The following C12orf42 variants were observed in gnomAD, a reference collection of about 807,000 sequenced individuals.
C12orf42 encodes the protein uncharacterized protein C12orf42.
In C12orf42, 25 loss-of-function variants were observed where a neutral mutation model predicts 21.6. The observed-to-expected ratio is 1.16, with a 90% CI of 0.84 to 1.62. The LOEUF is 1.62. C12orf42 is among the 40% of genes most tolerant of loss of function. The pLI is 0.00. For synonymous variants in C12orf42, 174 were observed against 175.0 expected (o/e 0.99, Z 0.05); for missense variants, 483 against 459.3 (o/e 1.05, Z -0.47).
intron 4 of C12orf42, among the ~76,000 whole-genome samples, chr12:103,368,389 C>A (rs1189050898): frequency 6.6e-6 from 1 of 151,770 alleles, no homozygotes; most frequent in African/African-American, 2.4e-5. Context: ...AGTGGCCTAC[C>A]TCCCCTGCCA....
the C12orf42 span, among the ~76,000 whole-genome samples, chr12:103,554,039 A>G: frequency 6.6e-6 from 1 of 152,156 alleles, no homozygotes; most frequent in African/African-American, 2.4e-5. Flanking sequence ...CTATTTTTAT[A>G]TAGGTCATGG....
the C12orf42 span, among the ~76,000 whole-genome samples, chr12:103,209,930 A>G: frequency 1.3e-5 from 2 of 152,186 alleles, no homozygotes; most frequent in African/African-American, 4.8e-5. Flanking sequence ...CCACACACAC[A>G]TAGTTTAATA....
chr12:103,305,886 T>C, intron 5 of C12orf42, 88 bp downstream of exon 5: 2 of 1,444,350 alleles, frequency 1.4e-6, no homozygotes, highest in Non-Finnish European at 1.9e-6. Flanking sequence ...GGCCATGAAG[T>C]CAATATTTTT....
chr12:103,226,338 C>T, the C12orf42 span, among the ~76,000 whole-genome samples: 4 of 152,142 alleles, frequency 2.6e-5, no homozygotes, highest in Admixed American at 1.3e-4. Context: ...GGCCAGATTC[C>T]AATTTTTGGA....
At chr12:103,169,343 C>T in the C12orf42 span, among the ~76,000 whole-genome samples, 4 of 151,878 alleles carry the variant, frequency 2.6e-5, no homozygotes, top group East Asian at 1.9e-4. Flanking sequence ...CACTGGGAAC[C>T]GAGAGACCCA....
At chr12:103,350,110 C>A (rs1450249539) in intron 4 of C12orf42, among the ~76,000 whole-genome samples, 1 of 151,972 alleles carries the variant, frequency 6.6e-6, no homozygotes, top group African/African-American at 2.4e-5. Context: ...AGGAAGTTTC[C>A]AGCCATTATT....
the C12orf42 span, among the ~76,000 whole-genome samples, chr12:103,049,838 C>T: frequency 3.3e-5 from 5 of 152,078 alleles, 1 homozygote; most frequent in South Asian, 8.3e-4. Flanking sequence ...CAGTTCTATG[C>T]TCAGATGTCA....
At chr12:103,477,640 C>A (rs946617164) in intron 2 of C12orf42, among the ~76,000 whole-genome samples, 2 of 152,056 alleles carry the variant, frequency 1.3e-5, no homozygotes, top group Non-Finnish European at 2.9e-5. Flanking sequence ...GAAGACTGAA[C>A]CCTCTGTAAC....
In C12orf42 at chr12:103,371,399, A is replaced by C. The variant is rs553933561; in HGVS notation, c.148-2401T>G. Among the ~76,000 whole-genome samples, 290 of 152,284 alleles carry C rather than the reference A, an allele frequency of 1.9e-3. 1 individual carries two copies. The highest frequency in any genetic ancestry group is 6.8e-3 in the African/African-American group (283 of 41,558). On this transcript the variant is annotated intron_variant, in intron 3 of 5. Coordinates refer to ENST00000548883, the MANE Select transcript of C12orf42 (RefSeq NM_198521.5). ...GAGGCAGCTGGGACTTGAGAGACCC[A>C]ATCCAGTTGTACCAGTCATGGAGCA... is the stretch of plus-strand genomic sequence containing the variant.
At chr12:103,524,095 G>C in the C12orf42 span, among the ~76,000 whole-genome samples, 2 of 152,154 alleles carry the variant, frequency 1.3e-5, no homozygotes, top group Non-Finnish European at 2.9e-5. Context: ...TGGGTTTAAG[G>C]TGTAACAGAA....
chr12:103,160,971 T>C, the C12orf42 span, among the ~76,000 whole-genome samples: 4 of 152,242 alleles, frequency 2.6e-5, no homozygotes, highest in African/African-American at 7.2e-5. Context: ...ATAACCCTTA[T>C]TGAGCTATTT....
chr12:103,220,024 A>G, the C12orf42 span, among the ~76,000 whole-genome samples: 753 of 152,368 alleles, frequency 4.9e-3, 5 homozygotes, highest in African/African-American at 0.017. Context: ...ATGCCCATCA[A>G]TAATAGACTG....
chr12:103,548,022 G>C, the C12orf42 span: 3 of 152,186 alleles, frequency 2.0e-5, no homozygotes. Flanking sequence ...TGTTCAAACA[G>C]TTTATATGTA....
the C12orf42 span, among the ~76,000 whole-genome samples, chr12:103,143,834 C>T: frequency 6.6e-6 from 1 of 152,222 alleles, no homozygotes; most frequent in African/African-American, 2.4e-5. Flanking sequence ...AGTATTAATC[C>T]CAGCTCTGCC....
chr12:103,367,356 A>T (rs2044700328), intron 4 of C12orf42, among the ~76,000 whole-genome samples: 1 of 151,780 alleles, frequency 6.6e-6, no homozygotes, highest in Admixed American at 6.6e-5. Context: ...TAATACTCTG[A>T]TGATGGGTGC....
At chr12:103,548,202 A>G in the C12orf42 span, among the ~76,000 whole-genome samples, 7 of 152,228 alleles carry the variant, frequency 4.6e-5, no homozygotes, top group African/African-American at 1.4e-4. Context: ...CTTTGCTTAG[A>G]TAGCCCTTTG....
chr12:103,268,848 C>T (rs1193342309), exon 7 of C12orf42: 1 of 152,240 alleles, frequency 6.6e-6, no homozygotes, highest in East Asian at 1.9e-4. Flanking sequence ...GTTCTTTTAT[C>T]ATGGATAACT....
chr12:103,275,740 A>AT (rs202030025), intron 5 of C12orf42, among the ~76,000 whole-genome samples: 12,506 of 139,718 alleles, frequency 0.09, 536 homozygotes, highest in East Asian at 0.19. Context: ...ATCAAGTAGG[A>AT]TTTTTTTTTT....
At chr12:103,345,306 A>G (rs1295719229) in intron 4 of C12orf42, among the ~76,000 whole-genome samples, 2 of 152,170 alleles carry the variant, frequency 1.3e-5, no homozygotes, top group Non-Finnish European at 2.9e-5. Flanking sequence ...ATAGGACCTT[A>G]CTCATAGGAT....
Sources: allele counts gnomAD v4.1 joint callset (sites outside exome capture counted in the v4.1 genomes callset), GRCh38; gene constraint gnomAD v4.1.1; transcripts MANE v1.5; gene names NCBI Gene and HGNC (gene_info 2026-07-23, HGNC 2026-07-21).